Variants in ELL observed in about 807,000 individuals in gnomAD.
ELL encodes RNA polymerase II elongation factor ELL.
ELL carries 18 observed loss-of-function variants against 64.0 expected under a neutral mutation model. The ratio of observed to expected loss-of-function variants is 0.28; its 90% CI spans 0.19 to 0.42. The LOEUF (loss-of-function observed/expected upper bound fraction) is 0.42, where lower values mean the gene tolerates loss of function less well. ELL is among the 10% of genes least tolerant of loss of function. The probability of loss-of-function intolerance (pLI) is 1.00; values close to 1 mark genes in which losing one functional copy is unlikely to be tolerated. For synonymous variants in ELL, 399 were observed against 376.2 expected (o/e 1.06, Z -0.70); for missense variants, 797 against 870.4 (o/e 0.92, Z 1.06).
At chr19:18,470,372 G>A (rs1975040180) in intron 2 of ELL, among the ~76,000 whole-genome samples, 1 of 152,250 alleles carries the variant, frequency 6.6e-6, no homozygotes, top group Non-Finnish European at 1.5e-5. Flanking sequence ...GGGGTAGAGG[G>A]GCATGGGTGG....
At chr19:18,458,433 GGGAGACAGAC>G in intron 5 of ELL, 104 bp from the exon 6 acceptor site, 1 of 1,514,644 alleles carries the variant, frequency 6.6e-7, no homozygotes, top group Admixed American at 1.8e-5. Flanking sequence ...CAGAGACAGT[GGGAGACAGAC>G]AGAGACAGAG....
intron 6 of ELL, among the ~76,000 whole-genome samples, chr19:18,453,507 A>C (rs537566495): frequency 9.9e-5 from 15 of 152,154 alleles, no homozygotes; most frequent in African/African-American, 1.9e-4. Flanking sequence ...ATGAACAAAC[A>C]AACCCACCAA....
In ELL at chr19:18,465,519, C is replaced by G; in HGVS notation, c.362G>C (p.Cys121Ser). ...LGSIQDKITV[C>S]ATDDSYQKAR... is the part of the protein sequence containing the mutation. ...CTTCTGGTAGGAGTCGTCGGTGGCA[C>G]ACACCGTGATCTTGTCCTGTATGCT... Residue 121 changes from cysteine (C) to serine (S), a missense_variant, in exon 4 of 12, where the codon TGT becomes TCT. Physicochemically the swap from Cys to Ser is moderately radical, Grantham distance 112. Transcript: ENST00000262809. The G allele has an allele frequency of 1.2e-6, 2 of 1,612,952 alleles. No individual in the cohort carries two copies. Among genetic ancestry groups the G allele is most frequent in the East Asian group, 2.2e-5 (1 of 44,848 alleles).
chr19:18,521,038 C>T (rs549228991), intron 1 of ELL, among the ~76,000 whole-genome samples: 16 of 152,098 alleles, frequency 1.1e-4, no homozygotes, highest in African/African-American at 3.6e-4. Flanking sequence ...TCCCCACCAC[C>T]AGCCAGGTGG....
At chr19:18,458,119 C>T in intron 6 of ELL, 86 bp downstream of exon 6, 2 of 1,569,512 alleles carry the variant, frequency 1.3e-6, no homozygotes, top group Non-Finnish European at 1.7e-6. Flanking sequence ...TTCAGGACCA[C>T]ACAAGACCAC....
intron 1 of ELL, among the ~76,000 whole-genome samples, chr19:18,511,266 CAA>C (rs113597097): frequency 6.1e-5 from 7 of 114,092 alleles, no homozygotes; most frequent in African/African-American, 1.3e-4. Flanking sequence ...AACTCCGTCT[CAA>C]AAAAAAAAAA....
rs576614119 is a variant in ELL at position 18,484,837 on chromosome 19, G to A, written c.136-11955C>T. Reference sequence around the variant, plus strand: ...TAGGAATTTTGAACGGAAGGCCTTCGAGAAACTGCCCTCTCACCAAACCTG... The same window carrying A: ...TAGGAATTTTGAACGGAAGGCCTTCAAGAAACTGCCCTCTCACCAAACCTG... On this transcript the variant is annotated intron_variant, in intron 1 of 11. Transcript: ENST00000262809. Among the ~76,000 whole-genome samples the A allele has an allele frequency of 9.2e-5, 14 of 152,272 alleles. 1 individual carries two copies. The South Asian group carries it at 2.5e-3, about 27-fold the overall frequency.
Position 18,465,878 on chromosome 19 carries a change from C to T in ELL, c.224G>A (p.Arg75Gln). 3.8e-6 allele frequency: 5 copies of T among 1,332,018 alleles called. No homozygotes were observed. The highest frequency in any genetic ancestry group is 1.5e-5 in the African/African-American group (1 of 66,710). The allele number at this position is 1,332,018 out of a possible 1,614,324, so 82.5% of individuals were successfully genotyped here. A position where few individuals can be genotyped will look rare whatever the true frequency, so the allele number is the denominator to read the frequency against. The change falls in exon 3 of 12, where the codon CGG becomes CAG. Residue 75 changes from arginine (R) to glutamine (Q), a missense_variant. By Grantham distance (43) the Arg-to-Gln change is conservative. Coordinates refer to ENST00000262809, the MANE Select transcript of ELL (RefSeq NM_006532.4). ...IPQPDCPAEA[R>Q]TFSFYLSNIG... Reference sequence around the variant, plus strand: ...GTTGGAGAGGTAGAAGGAGAACGTCCGCGCCTCTGCGGGGCAGTCAGGCTG... The same window carrying T: ...GTTGGAGAGGTAGAAGGAGAACGTCTGCGCCTCTGCGGGGCAGTCAGGCTG...
chr19:18,502,739 A>T (rs1408733587), intron 1 of ELL, among the ~76,000 whole-genome samples: 1 of 152,204 alleles, frequency 6.6e-6, no homozygotes, highest in East Asian at 1.9e-4. Context: ...GAGGAGTGGG[A>T]ACACGGGGTG....
At chr19:18,466,708 CAG>C (rs1363492522) in intron 2 of ELL, among the ~76,000 whole-genome samples, 1 of 152,228 alleles carries the variant, frequency 6.6e-6, no homozygotes, top group Non-Finnish European at 1.5e-5. Flanking sequence ...CCTCTGTCAA[CAG>C]AGTTGGCCCT....
intron 4 of ELL, among the ~76,000 whole-genome samples, chr19:18,464,097 G>T (rs765464447): frequency 1.3e-5 from 2 of 152,182 alleles, no homozygotes; most frequent in Non-Finnish European, 2.9e-5. Flanking sequence ...GGCCAGGTGC[G>T]CTGACTCATG....
intron 1 of ELL, among the ~76,000 whole-genome samples, chr19:18,503,158 G>T (rs553988378): frequency 6.6e-6 from 1 of 152,250 alleles, no homozygotes; most frequent in African/African-American, 2.4e-5. Context: ...GGCACCCAGC[G>T]CAGGGACATC....
intron 4 of ELL, 127 bp downstream of exon 4, chr19:18,465,285 G>A (rs1180685684): frequency 3.2e-5 from 42 of 1,329,176 alleles, no homozygotes; most frequent in East Asian, 8.0e-5. Context: ...CTCAGGGACC[G>A]ACTCCTCGGT....
chr19:18,490,924 C>T (rs1443370447), intron 1 of ELL, among the ~76,000 whole-genome samples: 1 of 152,198 alleles, frequency 6.6e-6, no homozygotes, highest in Non-Finnish European at 1.5e-5. Context: ...CCACCGGCAG[C>T]AGGTGACATT....
Position 18,485,437 on chromosome 19 carries a change from G to A in ELL, c.136-12555C>T, listed in dbSNP as rs532228137. On this transcript the variant is annotated intron_variant, in intron 1 of 11. Transcript: ENST00000262809. ...ACAGAGCAGACTGGCCCCTTCTGCC[G>A]AGCCCCAGTGCACCCAAGCTTTCCA... Among the ~76,000 whole-genome samples the A allele has an allele frequency of 5.9e-4, 90 of 152,092 alleles. 1 individual carries two copies. Among genetic ancestry groups the A allele is most frequent in the African/African-American group, 2.0e-3 (81 of 41,500 alleles).
intron 1 of ELL, among the ~76,000 whole-genome samples, chr19:18,494,691 C>T (rs1375968059): frequency 6.6e-6 from 1 of 152,188 alleles, no homozygotes; most frequent in Non-Finnish European, 1.5e-5. Context: ...CCGCACCAGG[C>T]CAGAAGTTAA....
At chr19:18,488,543 A>AGG (rs1304530098) in intron 1 of ELL, among the ~76,000 whole-genome samples, 11 of 152,192 alleles carry the variant, frequency 7.2e-5, no homozygotes, top group Non-Finnish European at 1.6e-4. Context: ...GCATGCTCCC[A>AGG]GCATCCACGG....
intron 1 of ELL, among the ~76,000 whole-genome samples, chr19:18,513,440 G>A (rs371290851): frequency 1.2e-4 from 18 of 152,170 alleles, no homozygotes; most frequent in Admixed American, 7.2e-4. Context: ...AAGAAGAGAC[G>A]CAAAACCATA....
intron 5 of ELL, 125 bp from the exon 6 acceptor site, chr19:18,458,454 G>C (rs1974730089): frequency 6.9e-7 from 1 of 1,439,486 alleles, no homozygotes; most frequent in East Asian, 2.4e-5. Flanking sequence ...AGAGACAGAG[G>C]AGAGGAAAGA....
Sources: allele counts gnomAD v4.1 joint callset (sites outside exome capture counted in the v4.1 genomes callset), GRCh38; gene constraint gnomAD v4.1.1; transcripts MANE v1.5; gene names NCBI Gene and HGNC (gene_info 2026-07-23, HGNC 2026-07-21).